The following VTI1A variants were observed in gnomAD, a reference collection of about 807,000 sequenced individuals.
The protein encoded by VTI1A is vesicle transport through interaction with t-SNAREs 1A.
Under a neutral mutation model 34.9 loss-of-function variants are expected in VTI1A, and 22 were observed. That is an observed-to-expected ratio of 0.63 (90% CI 0.45 to 0.90). The LOEUF (loss-of-function observed/expected upper bound fraction) is 0.90. Among genes scored for constraint, VTI1A ranks in the 40% least tolerant of loss-of-function variants. The probability of loss-of-function intolerance (pLI) is 0.00; values close to 1 mark genes in which losing one functional copy is unlikely to be tolerated. For synonymous variants in VTI1A, 87 were observed against 97.3 expected (o/e 0.89, Z 0.62); for missense variants, 268 against 275.6 (o/e 0.97, Z 0.20).
At chr10:112,736,870 G>A (rs1350441745) in intron 7 of VTI1A, 1 of 793,766 alleles carries the variant, frequency 1.3e-6, no homozygotes, top group African/African-American at 1.7e-5. Context: ...AAAATGAGTA[G>A]TGAGATGATG....
rs35159993 is a variant in VTI1A, at chr10:112,795,431, C to CTTTTTTTTTTTT, written c.561-19851_561-19840dup. ...TTTCTCCTACACATTCCCTATTACT[C>CTTTTTTTTTTTT]TTTTTTTTTTTTTTTTTTTCTGAGA... On this transcript the variant is annotated intron_variant, in intron 7 of 7. Coordinates refer to ENST00000393077, the MANE Select transcript of VTI1A (RefSeq NM_145206.4). 1.0e-3 allele frequency among the ~76,000 whole-genome samples: 127 copies of CTTTTTTTTTTTT among 123,976 alleles called. 3 individuals are homozygous for CTTTTTTTTTTTT. The highest frequency in any genetic ancestry group is 1.5e-3 in the Admixed American group (17 of 11,386). 81.3% of individuals were successfully genotyped at this position (123,976 alleles called of 152,430 possible).
chr10:112,581,987 C>A lies in VTI1A; in HGVS notation c.427+43657C>A, dbSNP rs191256302. Among the ~76,000 whole-genome samples the A allele has an allele frequency of 3.3e-5, 5 of 152,292 alleles. No individual in the cohort carries two copies. In the East Asian group the frequency reaches 7.7e-4, roughly 24 times the overall value. On this transcript the variant is annotated intron_variant, in intron 5 of 7. Coordinates refer to ENST00000393077, the MANE Select transcript of VTI1A (RefSeq NM_145206.4). ...CAATATCTCTGACTTACCTCCTTGA[C>A]ACACCTTTCTGTCTTGATGCTAATT...
At chr10:112,720,932 C>G (rs1325191420) in intron 7 of VTI1A, among the ~76,000 whole-genome samples, 1 of 151,866 alleles carries the variant, frequency 6.6e-6, no homozygotes. Flanking sequence ...GAATATAGCA[C>G]TTTGCCACTA....
At chr10:112,828,982 C>T in the VTI1A span, among the ~76,000 whole-genome samples, 2 of 152,082 alleles carry the variant, frequency 1.3e-5, no homozygotes, top group Non-Finnish European at 2.9e-5. Context: ...CTAAGGGACA[C>T]CCAGCAGTTC....
At chr10:112,548,625 T>C in intron 5 of VTI1A, 1 of 1,013,136 alleles carries the variant, frequency 9.9e-7, no homozygotes, top group South Asian at 1.3e-5. Flanking sequence ...TAAGATAATA[T>C]TCATTTAGCC....
At chr10:112,821,080 G>C (rs767239209), downstream of VTI1A, among the ~76,000 whole-genome samples, 9 of 152,172 alleles carry the variant, frequency 5.9e-5, no homozygotes, top group Non-Finnish European at 1.0e-4. Flanking sequence ...GGAATCGCTC[G>C]TTACTCGTGC....
intron 7 of VTI1A, among the ~76,000 whole-genome samples, chr10:112,745,547 AG>A (rs1168875069): frequency 6.6e-6 from 1 of 152,178 alleles, no homozygotes; most frequent in Non-Finnish European, 1.5e-5. Flanking sequence ...CACAGCTGAC[AG>A]TGATTTAACC....
In VTI1A at chr10:112,572,756, G is replaced by C. The variant is rs543037925; in HGVS notation, c.427+34426G>C. 5.9e-4 allele frequency among the ~76,000 whole-genome samples: 90 copies of C among 151,600 alleles called. 1 individual carries two copies. Among genetic ancestry groups the C allele is most frequent in the African/African-American group, 2.2e-3 (90 of 41,280 alleles). On this transcript the variant is annotated intron_variant, in intron 5 of 7. Transcript: ENST00000393077. ...GGGAGGCTGAAGGCAGGAGAACGGC[G>C]TGAACCCGGGAGGCGGAGCTTGCAG...
intron 5 of VTI1A, among the ~76,000 whole-genome samples, chr10:112,600,357 A>G (rs936116824): frequency 6.6e-6 from 1 of 152,210 alleles, no homozygotes; most frequent in African/African-American, 2.4e-5. Flanking sequence ...CATATTTAGC[A>G]TAAAATCTCG....
At chr10:112,705,286 C>T (rs770939651) in intron 7 of VTI1A, among the ~76,000 whole-genome samples, 7 of 152,010 alleles carry the variant, frequency 4.6e-5, no homozygotes, top group East Asian at 1.9e-4. Context: ...AAGAGATAAG[C>T]GCTAGAATAG....
the VTI1A span, among the ~76,000 whole-genome samples, chr10:112,855,349 T>G: frequency 6.6e-6 from 1 of 152,146 alleles, no homozygotes; most frequent in Non-Finnish European, 1.5e-5. Context: ...GGCTTTCCAT[T>G]AAAGAGAAAA....
At chr10:112,814,721 C>T (rs528174871) in intron 7 of VTI1A, among the ~76,000 whole-genome samples, 102 of 152,300 alleles carry the variant, frequency 6.7e-4, no homozygotes, top group African/African-American at 2.2e-3. Context: ...TTCCTCCTAG[C>T]GTAACGGAGC....
chr10:112,458,162 A>G lies in VTI1A; in HGVS notation c.95-2362A>G, dbSNP rs145652666. The stretch of plus-strand genomic sequence containing the variant: ...GCTTCTTTCTTTGTTTTATTTTGCT[A>G]ATGAGAAAAACTGATGCTTATTAGT... On this transcript the variant is annotated intron_variant, in intron 1 of 7. Transcript: ENST00000393077. Among the ~76,000 whole-genome samples the G allele has an allele frequency of 2.7e-3, 410 of 152,272 alleles. 1 individual carries two copies. The highest frequency in any genetic ancestry group is 9.3e-3 in the African/African-American group (386 of 41,538).
intron 7 of VTI1A, among the ~76,000 whole-genome samples, chr10:112,782,437 G>T (rs138919340): frequency 7.7e-4 from 118 of 152,402 alleles, no homozygotes; most frequent in African/African-American, 2.7e-3. Context: ...TCTCCTTGAG[G>T]AGAAGATAGG....
intron 7 of VTI1A, among the ~76,000 whole-genome samples, chr10:112,791,417 CT>C (rs567407770): frequency 6.6e-6 from 1 of 152,198 alleles, no homozygotes; most frequent in South Asian, 2.1e-4. Context: ...TCTATATATT[CT>C]TTTTTTAAAA....
chr10:112,518,098 G>A (rs1217416936), intron 3 of VTI1A, among the ~76,000 whole-genome samples: 1 of 151,972 alleles, frequency 6.6e-6, no homozygotes, highest in African/African-American at 2.4e-5. Flanking sequence ...TTGACAACTA[G>A]GAAGTCATTG....
chr10:112,580,161 C>G (rs1317853012), intron 5 of VTI1A, among the ~76,000 whole-genome samples: 1 of 151,904 alleles, frequency 6.6e-6, no homozygotes, highest in Non-Finnish European at 1.5e-5. Context: ...CATTTCAGGA[C>G]CTGGAAGATG....
chr10:112,810,267 G>A (rs765488918), intron 7 of VTI1A, among the ~76,000 whole-genome samples: 46 of 151,964 alleles, frequency 3.0e-4, no homozygotes, highest in Non-Finnish European at 5.4e-4. Context: ...GCTGGACATG[G>A]TGGCAGGTGC....
At chr10:112,838,922 AT>A in the VTI1A span, among the ~76,000 whole-genome samples, 1 of 152,208 alleles carries the variant, frequency 6.6e-6, no homozygotes, top group East Asian at 1.9e-4. Flanking sequence ...TGCCATCACC[AT>A]TTGACCAGAT....
Sources: gnomAD v4.1 joint callset for allele counts (sites outside exome capture counted in the v4.1 genomes callset) on GRCh38, gnomAD v4.1.1 for gene constraint, MANE v1.5 for transcripts, NCBI Gene and HGNC (gene_info 2026-07-23, HGNC 2026-07-21) for gene names.